The following KCNJ6 variants were observed in gnomAD, a reference collection of about 807,000 sequenced individuals.
The protein encoded by KCNJ6 is potassium inwardly rectifying channel subfamily J member 6.
Under a neutral mutation model 34.2 loss-of-function variants are expected in KCNJ6, and 9 were observed. The observed-to-expected ratio is 0.26, with a 90% CI of 0.16 to 0.46. The LOEUF (loss-of-function observed/expected upper bound fraction) is 0.46, where lower values mean the gene tolerates loss of function less well. KCNJ6 is among the 20% of genes least tolerant of loss of function. KCNJ6 has a pLI of 1.00. For missense variants in KCNJ6, 236 were observed against 531.3 expected (o/e 0.44, Z 5.46); for synonymous variants, 196 against 207.1 (o/e 0.95, Z 0.46).
At position 37,617,073 on chromosome 21, in the gene KCNJ6, T is replaced by TC. The variant is rs1569430113; in HGVS notation, c.*8085_*8086insG. Reference sequence around the variant, plus strand: ...CTTTCTTTTCTTTTCTTTTCTTTTCTTTTCTTTCTTTTTCTTTCTTTCTTT... The same window carrying TC: ...CTTTCTTTTCTTTTCTTTTCTTTTCTCTTTCTTTCTTTTTCTTTCTTTCTTT... On this transcript the variant is annotated 3_prime_UTR_variant, in exon 4 of 4. Coordinates refer to ENST00000609713, the MANE Select transcript of KCNJ6 (RefSeq NM_002240.5). 1 of 113,528 alleles carries TC rather than the reference T, an allele frequency of 8.8e-6. No individual in the cohort carries two copies. Among genetic ancestry groups the TC allele is most frequent in the East Asian group, 2.3e-4 (1 of 4,370 alleles). 7.0% of individuals were successfully genotyped at this position (113,528 alleles called of 1,614,324 possible).
rs2054298897 is a variant in KCNJ6 at position 37,623,722 on chromosome 21, T to C, written c.*1437A>G. 1 of 152,212 alleles carries C rather than the reference T, an allele frequency of 6.6e-6. No homozygotes were observed. Among genetic ancestry groups the C allele is most frequent in the African/African-American group, 2.4e-5 (1 of 41,446 alleles). 9.4% of individuals were successfully genotyped at this position (152,212 alleles called of 1,614,324 possible). A position where few individuals can be genotyped will look rare whatever the true frequency, so the allele number is the denominator to read the frequency against. On this transcript the variant is annotated 3_prime_UTR_variant, in exon 4 of 4. Transcript: ENST00000609713. ...TTTGATTGACAGACACTGGATTTGA[T>C]TTCTAGCCTGTGGCATACTCTAGAG...
In KCNJ6 at chr21:37,901,386, G is replaced by C. The variant is rs1195272557; in HGVS notation, c.-28+14498C>G. Among the ~76,000 whole-genome samples, 3 of 60,198 alleles carry C rather than the reference G, an allele frequency of 5.0e-5. No homozygotes were observed. The East Asian group carries it at 1.5e-3, about 30-fold the overall frequency. 39.5% of individuals were successfully genotyped at this position (60,198 alleles called of 152,430 possible). A position where few individuals can be genotyped will look rare whatever the true frequency, so the allele number is the denominator to read the frequency against. ...ATTTCTATCGGTGAAATTTCCCCAG[G>C]GTGAATCTGAAAAGTGCCAGTGTAT... On this transcript the variant is annotated intron_variant, in intron 1 of 3. Transcript: ENST00000609713.
At chr21:37,817,807 G>A (rs920770201) in intron 2 of KCNJ6, among the ~76,000 whole-genome samples, 1 of 152,198 alleles carries the variant, frequency 6.6e-6, no homozygotes, top group Non-Finnish European at 1.5e-5. Context: ...ACTTGGGAGG[G>A]TTCTGGCTTT....
intron 1 of KCNJ6, among the ~76,000 whole-genome samples, chr21:37,892,727 G>A (rs1455258981): frequency 6.6e-6 from 1 of 152,138 alleles, no homozygotes; most frequent in African/African-American, 2.4e-5. Flanking sequence ...ACCCCAGGTT[G>A]TCCACTGTTG....
chr21:37,782,350 C>T (rs2055173369), intron 2 of KCNJ6, among the ~76,000 whole-genome samples: 1 of 152,196 alleles, frequency 6.6e-6, no homozygotes, highest in South Asian at 2.1e-4. Flanking sequence ...GAATGCATGG[C>T]AGTTTGTTAT....
intron 3 of KCNJ6, among the ~76,000 whole-genome samples, chr21:37,706,395 C>T (rs1208635497): frequency 1.3e-5 from 2 of 152,196 alleles, no homozygotes; most frequent in Non-Finnish European, 2.9e-5. Context: ...TTATATTTCC[C>T]CATTTTATTG....
intron 2 of KCNJ6, among the ~76,000 whole-genome samples, chr21:37,839,757 C>G (rs924093296): frequency 1.3e-5 from 2 of 152,174 alleles, no homozygotes. Flanking sequence ...AACTGCATTT[C>G]TCATTTGAAG....
At chr21:37,687,726 G>A (rs2054621993) in intron 3 of KCNJ6, among the ~76,000 whole-genome samples, 1 of 152,098 alleles carries the variant, frequency 6.6e-6, no homozygotes, top group Non-Finnish European at 1.5e-5. Context: ...AGCTTGTTAG[G>A]ATTTCTTATT....
chr21:37,655,326 C>A (rs2054458871), intron 3 of KCNJ6, among the ~76,000 whole-genome samples: 1 of 151,700 alleles, frequency 6.6e-6, no homozygotes, highest in Non-Finnish European at 1.5e-5. Context: ...GGCCTCTGAG[C>A]TCCTCCACCA....
chr21:37,732,380 T>G (rs2054889978), intron 2 of KCNJ6, among the ~76,000 whole-genome samples: 1 of 152,194 alleles, frequency 6.6e-6, no homozygotes, highest in African/African-American at 2.4e-5. Flanking sequence ...TTTTCAGTCT[T>G]GAAGAGGGGC....
intron 1 of KCNJ6, among the ~76,000 whole-genome samples, chr21:37,879,920 C>A (rs2055698942): frequency 6.6e-6 from 1 of 151,976 alleles, no homozygotes; most frequent in African/African-American, 2.4e-5. Flanking sequence ...CTTTGACTCA[C>A]CTATAGGTTT....
chr21:37,898,997 C>T (rs771274994), intron 1 of KCNJ6, among the ~76,000 whole-genome samples: 1 of 152,052 alleles, frequency 6.6e-6, no homozygotes, highest in Non-Finnish European at 1.5e-5. Flanking sequence ...AAAATATTAT[C>T]CAATGTTTTA....
At chr21:37,740,282 T>C (rs527408984) in intron 2 of KCNJ6, among the ~76,000 whole-genome samples, 126 of 152,318 alleles carry the variant, frequency 8.3e-4, no homozygotes, top group Middle Eastern at 3.4e-3. Context: ...CTCTCTGGCA[T>C]TAACATCAAC....
chr21:37,704,617 GAAT>G (rs1332492744), intron 3 of KCNJ6, among the ~76,000 whole-genome samples: 1 of 151,958 alleles, frequency 6.6e-6, no homozygotes, highest in African/African-American at 2.4e-5. Flanking sequence ...CTTAGCAGAT[GAAT>G]AATTAAAATC....
intron 2 of KCNJ6, among the ~76,000 whole-genome samples, chr21:37,735,452 C>T (rs1380984169): frequency 6.6e-6 from 1 of 152,200 alleles, no homozygotes; most frequent in Admixed American, 6.5e-5. Flanking sequence ...AGCCCCCAAA[C>T]CTCAGCACTG....
At chr21:37,677,790 A>ATCCATCCATCCATCCATCCAT (rs71198886) in intron 3 of KCNJ6, among the ~76,000 whole-genome samples, 1 of 146,970 alleles carries the variant, frequency 6.8e-6, no homozygotes, top group African/African-American at 2.5e-5. Flanking sequence ...CCATCCATCC[A>ATCCATCCATCCATCCATCCAT]CCCACCTATC....
In KCNJ6 at chr21:37,677,046, G is replaced by C. The variant is rs138718454; in HGVS notation, c.946+37165C>G. ...CTGGTCAGGCTGACGTTGCACTCAG[G>C]AGTCTAACTGTCCAGTGGCAGAAAT... On this transcript the variant is annotated intron_variant, in intron 3 of 3. Coordinates refer to ENST00000609713, the MANE Select transcript of KCNJ6 (RefSeq NM_002240.5). 5.7e-4 allele frequency among the ~76,000 whole-genome samples: 87 copies of C among 152,336 alleles called. No individual in the cohort carries two copies. The South Asian group carries it at 8.3e-3, about 15-fold the overall frequency.
chr21:37,811,340 T>C (rs1292907626), intron 2 of KCNJ6, among the ~76,000 whole-genome samples: 1 of 152,194 alleles, frequency 6.6e-6, no homozygotes, highest in Non-Finnish European at 1.5e-5. Context: ...CAGCAAATTA[T>C]TGAACTGGAG....
At chr21:37,843,556 C>T (rs1487787751) in intron 1 of KCNJ6, among the ~76,000 whole-genome samples, 1 of 152,206 alleles carries the variant, frequency 6.6e-6, no homozygotes, top group Non-Finnish European at 1.5e-5. Context: ...ACATTTCATT[C>T]TTGGTCCCAA....
Sources: allele counts gnomAD v4.1 joint callset (sites outside exome capture counted in the v4.1 genomes callset), GRCh38; gene constraint gnomAD v4.1.1; transcripts MANE v1.5; gene names NCBI Gene and HGNC (gene_info 2026-07-23, HGNC 2026-07-21).